The following FBXL13 variants were observed in gnomAD, a reference collection of about 807,000 sequenced individuals.
The protein encoded by FBXL13 is F-box and leucine rich repeat protein 13.
A neutral mutation model predicts 83.6 loss-of-function variants in FBXL13; 67 were observed. The observed-to-expected ratio is 0.80, with a 90% confidence interval of 0.66 to 0.98. The LOEUF is 0.98. Among genes scored for constraint, FBXL13 ranks in the 50% least tolerant of loss-of-function variants. The pLI is 0.00. For missense variants in FBXL13, 822 were observed against 866.5 expected (o/e 0.95, Z 0.64); for synonymous variants, 272 against 299.5 (o/e 0.91, Z 0.95).
At chr7:102,950,363 G>T (rs973989770) in intron 8 of FBXL13, among the ~76,000 whole-genome samples, 1 of 152,192 alleles carries the variant, frequency 6.6e-6, no homozygotes, top group African/African-American at 2.4e-5. Flanking sequence ...CCCATTCATT[G>T]CTGATGAGGA....
Position 103,057,712 on chromosome 7 carries a change from G to T in FBXL13, c.-104-1965C>A, listed in dbSNP as rs181739461. ...GCTGCTGTCTCATTTTCCTTATGAG[G>T]TCCCCCCAAAAGAAGAAACTTCTTG... On this transcript the variant is annotated intron_variant, in intron 1 of 19. Transcript: ENST00000313221. 2.0e-4 allele frequency among the ~76,000 whole-genome samples: 31 copies of T among 152,224 alleles called. No individual in the cohort carries two copies. In the East Asian group the frequency reaches 5.8e-3, roughly 28 times the overall value.
Position 102,975,770 on chromosome 7 carries a change from A to T in FBXL13, c.496-7653T>A, listed in dbSNP as rs73714540. 2,822 of 592,512 alleles carry T rather than the reference A, an allele frequency of 4.8e-3. 60 individuals carry two copies. The African/African-American group carries it at 0.048, about 10-fold the overall frequency. 36.7% of individuals were successfully genotyped at this position (592,512 alleles called of 1,614,324 possible). The stretch of plus-strand genomic sequence containing the variant: ...CAGCGCCAGCTTCAAAAACTTGACA[A>T]CAGCCCTCAAACCCCACAACGAGAC... On this transcript the variant is annotated intron_variant, in intron 6 of 19. Coordinates refer to ENST00000313221, the Ensembl canonical transcript of FBXL13.
intron 6 of FBXL13, among the ~76,000 whole-genome samples, chr7:103,004,708 G>T (rs11972502): frequency 0.011 from 1,646 of 152,270 alleles, 31 homozygotes; most frequent in African/African-American, 0.038. Flanking sequence ...CCTGGTAAAT[G>T]AGAGGAGTGC....
intron 16 of FBXL13, among the ~76,000 whole-genome samples, chr7:102,864,603 A>T (rs1445994006): frequency 6.6e-6 from 1 of 152,078 alleles, no homozygotes. Context: ...TCCTGACCTC[A>T]GGTAATCCAC....
intron 7 of FBXL13, among the ~76,000 whole-genome samples, chr7:102,965,131 T>C (rs780822999): frequency 3.9e-5 from 6 of 152,172 alleles, no homozygotes; most frequent in Non-Finnish European, 8.8e-5. Flanking sequence ...CAAAGTTATA[T>C]CATTGTAAAA....
intron 6 of FBXL13, among the ~76,000 whole-genome samples, chr7:102,992,182 C>T (rs1829647030): frequency 2.6e-5 from 4 of 152,274 alleles, no homozygotes; most frequent in East Asian, 3.9e-4. Flanking sequence ...AAAAGAACAG[C>T]TTTATAAGTC....
In FBXL13 at chr7:102,934,025, G is replaced by A. The variant is rs371111044; in HGVS notation, c.725-2092C>T. ...AGTGAATCATGGCCGGGCGGGTGGAGGCCGGAGAGGCTCCAACCCGGTCAA... is the reference window on the plus strand; with the variant it reads ...AGTGAATCATGGCCGGGCGGGTGGAAGCCGGAGAGGCTCCAACCCGGTCAA... On this transcript the variant is annotated intron_variant, in intron 8 of 19. Transcript: ENST00000313221. 4.6e-5 allele frequency: 74 copies of A among 1,613,958 alleles called. No homozygotes were observed. Among genetic ancestry groups the A allele is most frequent in the Non-Finnish European group, 5.8e-5 (69 of 1,179,954 alleles).
intron 17 of FBXL13, among the ~76,000 whole-genome samples, chr7:102,833,584 G>A (rs560155303): frequency 6.7e-6 from 1 of 150,220 alleles, no homozygotes; most frequent in African/African-American, 2.4e-5. Context: ...GCACCACCAC[G>A]CCCGGCTAAT....
chr7:102,985,297 G>A (rs990898777), intron 6 of FBXL13, among the ~76,000 whole-genome samples: 1 of 152,222 alleles, frequency 6.6e-6, no homozygotes, highest in African/African-American at 2.4e-5. Context: ...AGCACATCCA[G>A]CTATGTGACA....
At chr7:103,067,289 A>C (rs187724117) in intron 1 of FBXL13, among the ~76,000 whole-genome samples, 104 of 152,324 alleles carry the variant, frequency 6.8e-4, no homozygotes, top group Non-Finnish European at 1.2e-3. Flanking sequence ...TGTCACATCA[A>C]TAGGACAGAG....
At chr7:103,059,880 A>G (rs569401171) in intron 1 of FBXL13, among the ~76,000 whole-genome samples, 3 of 151,708 alleles carry the variant, frequency 2.0e-5, no homozygotes, top group Non-Finnish European at 4.4e-5. Flanking sequence ...ACCATTGACA[A>G]ATTACGTCTG....
intron 6 of FBXL13, chr7:102,976,261 A>G: frequency 1.4e-6 from 1 of 704,324 alleles, no homozygotes; most frequent in East Asian, 2.5e-5. Flanking sequence ...AATTAATACC[A>G]GGGCAACCTA....
At chr7:103,024,135 A>AAAGAG (rs1793554724) in intron 6 of FBXL13, among the ~76,000 whole-genome samples, 1 of 96,586 alleles carries the variant, frequency 1.0e-5, no homozygotes. Flanking sequence ...AAAAGTTAAA[A>AAAGAG]AGAGAGAGAG....
At chr7:102,841,868 C>T (rs939253284) in intron 17 of FBXL13, among the ~76,000 whole-genome samples, 2 of 152,174 alleles carry the variant, frequency 1.3e-5, no homozygotes, top group African/African-American at 4.8e-5. Flanking sequence ...CCAAGCAGCA[C>T]AGATTTCCAT....
intron 6 of FBXL13, among the ~76,000 whole-genome samples, chr7:102,970,670 A>G (rs1344481050): frequency 6.6e-6 from 1 of 152,260 alleles, no homozygotes; most frequent in Non-Finnish European, 1.5e-5. Flanking sequence ...GATTCAAAAG[A>G]AACCTTTAAA....
intron 8 of FBXL13, among the ~76,000 whole-genome samples, chr7:102,937,122 G>A (rs989333334): frequency 6.6e-6 from 1 of 152,122 alleles, no homozygotes; most frequent in African/African-American, 2.4e-5. Context: ...CTTAGTATAT[G>A]TAACACTGGG....
chr7:102,917,176 A>T (rs901683425), intron 10 of FBXL13, among the ~76,000 whole-genome samples: 5 of 152,228 alleles, frequency 3.3e-5, no homozygotes, highest in African/African-American at 1.2e-4. Context: ...CCTTCTATTT[A>T]CAGGGTAGAC....
At chr7:102,853,286 C>T (rs1805537834) in intron 17 of FBXL13, among the ~76,000 whole-genome samples, 5 of 152,074 alleles carry the variant, frequency 3.3e-5, no homozygotes, top group Admixed American at 1.3e-4. Flanking sequence ...AAAAAACATA[C>T]TCATGTAACC....
At chr7:103,007,664 A>G (rs1791124604) in intron 6 of FBXL13, among the ~76,000 whole-genome samples, 1 of 152,216 alleles carries the variant, frequency 6.6e-6, no homozygotes, top group Non-Finnish European at 1.5e-5. Context: ...GTGGAGAAAT[A>G]TAAAACAAGT....
Sources: allele counts gnomAD v4.1 joint callset (sites outside exome capture counted in the v4.1 genomes callset), GRCh38; gene constraint gnomAD v4.1.1; transcripts MANE v1.5; gene names NCBI Gene and HGNC (gene_info 2026-07-23, HGNC 2026-07-21).